The following ANKRD11 variants were observed in gnomAD, a reference collection of about 807,000 sequenced individuals.
ANKRD11 encodes ankyrin repeat domain 11.
ANKRD11 carries 17 observed loss-of-function variants against 195.7 expected under a neutral mutation model. The observed-to-expected ratio is 0.09, with a 90% CI of 0.06 to 0.13. The LOEUF is 0.13. Ranked by LOEUF, ANKRD11 falls within the 10% of genes least tolerant of loss-of-function variation. The probability of loss-of-function intolerance (pLI) is 1.00; values close to 1 mark genes in which losing one functional copy is unlikely to be tolerated. For missense variants in ANKRD11, 3,735 were observed against 3,566.1 expected (o/e 1.05, Z -1.21); for synonymous variants, 1,953 against 1,528.1 (o/e 1.28, Z -6.49).
chr16:89,472,985 T>A (rs1015605182), intron 1 of ANKRD11, among the ~76,000 whole-genome samples: 1 of 151,836 alleles, frequency 6.6e-6, no homozygotes, highest in Non-Finnish European at 1.5e-5. Context: ...AGCCCAGAAG[T>A]TGGGAGACCA....
chr16:89,432,990 C>CTCT (rs1555577285), intron 1 of ANKRD11, among the ~76,000 whole-genome samples: 1 of 128,932 alleles, frequency 7.8e-6, no homozygotes, highest in African/African-American at 3.5e-5. Context: ...CTCTCTCTCT[C>CTCT]CTCTCTCTCA....
At chr16:89,386,527 T>C (rs1321201372) in intron 2 of ANKRD11, among the ~76,000 whole-genome samples, 1 of 152,196 alleles carries the variant, frequency 6.6e-6, no homozygotes, top group African/African-American at 2.4e-5. Flanking sequence ...AAGGGGGCTC[T>C]TCTCTGGAAG....
intron 1 of ANKRD11, among the ~76,000 whole-genome samples, chr16:89,485,551 C>G (rs2057584844): frequency 6.6e-6 from 1 of 152,144 alleles, no homozygotes; most frequent in African/African-American, 2.4e-5. Flanking sequence ...TTTTCAACCA[C>G]AATCAACCAG....
chr16:89,327,189 A>G (rs1456491722), intron 2 of ANKRD11, among the ~76,000 whole-genome samples: 2 of 152,208 alleles, frequency 1.3e-5, no homozygotes, highest in Admixed American at 6.5e-5. Flanking sequence ...AGTCAACGTC[A>G]CCCAGCATGC....
At position 89,282,629 on chromosome 16, in the gene ANKRD11, A is replaced by G. The variant is rs1383965663; in HGVS notation, c.3913T>C (p.Ser1305Pro). 6.2e-7 allele frequency: 1 copy of G among 1,613,946 alleles called. No individual in the cohort carries two copies. Residue 1305 changes from serine (S) to proline (P), a missense_variant, in exon 9 of 13, where the codon TCT (serine) becomes CCT (proline). Physicochemically the swap from Ser to Pro is moderately conservative, Grantham distance 74. Coordinates refer to ENST00000301030, the MANE Select transcript of ANKRD11 (RefSeq NM_013275.6). ...TGCCCTCGGTCCGTGAAGCTGTCAGAGGAGACCTCGCTGATTTTATCGTTG... is the reference window on the plus strand; with the variant it reads ...TGCCCTCGGTCCGTGAAGCTGTCAGGGGAGACCTCGCTGATTTTATCGTTG... ...DSNDKISEVS[S>P]DSFTDRGQEP...
chr16:89,286,891 T>A lies in ANKRD11; in HGVS notation c.745-705A>T, dbSNP rs1362452517. 4.7e-6 allele frequency: 6 copies of A among 1,289,032 alleles called. 1 individual carries two copies. The Admixed American group carries it at 1.4e-4, about 30-fold the overall frequency. 79.8% of individuals were successfully genotyped at this position (1,289,032 alleles called of 1,614,324 possible). A position where few individuals can be genotyped will look rare whatever the true frequency, so the allele number is the denominator to read the frequency against. On this transcript the variant is annotated intron_variant, in intron 7 of 12. Coordinates refer to ENST00000301030, the MANE Select transcript of ANKRD11 (RefSeq NM_013275.6). ...TCCCAACTTTAGTCCAGTCTGAGAT[T>A]AGCGCATTCAAAGAATCTGTCATAA...
chr16:89,479,659 A>T (rs551853360), intron 1 of ANKRD11, among the ~76,000 whole-genome samples: 13 of 142,130 alleles, frequency 9.1e-5, no homozygotes, highest in African/African-American at 2.9e-4. Flanking sequence ...TTAAATTTTA[A>T]AAAGGCCAGA....
At chr16:89,286,645 G>A (rs1336729100) in intron 7 of ANKRD11, 4 of 1,220,616 alleles carry the variant, frequency 3.3e-6, no homozygotes, top group Non-Finnish European at 4.2e-6. Context: ...ACAGAATAGA[G>A]GAAACAAAGA....
Position 89,279,733 on chromosome 16 carries a change from G to A in ANKRD11, c.6809C>T (p.Ala2270Val), listed in dbSNP as rs1045721935. The change falls in exon 9 of 13, where the codon GCC (alanine) becomes GTC (valine). Residue 2270 changes from alanine (A) to valine (V), a missense_variant. Coordinates refer to ENST00000301030, the MANE Select transcript of ANKRD11 (RefSeq NM_013275.6). The surrounding 1 kb of genome is among the most constrained non-coding windows in gnomAD (Gnocchi z 5.6). Reference protein sequence around the residue: ...AEGPPAASLCAPDGPAPNTVA... With the variant: ...AEGPPAASLCVPDGPAPNTVA... ...AGTGTTCGGGGCGGGGCCGTCAGGG[G>A]CACAGAGGGACGCGGCGGGGGGGCC... is the stretch of plus-strand genomic sequence containing the variant. 1.9e-6 allele frequency: 3 copies of A among 1,539,528 alleles called. No individual in the cohort carries two copies. Among genetic ancestry groups the A allele is most frequent in the Non-Finnish European group, 2.6e-6 (3 of 1,148,020 alleles).
chr16:89,402,639 G>C (rs374312334), intron 2 of ANKRD11, among the ~76,000 whole-genome samples: 21 of 150,934 alleles, frequency 1.4e-4, no homozygotes, highest in African/African-American at 4.9e-4. Context: ...CTGTGGGTGG[G>C]GGGGGCAGCA....
intron 1 of ANKRD11, among the ~76,000 whole-genome samples, chr16:89,485,310 C>A (rs2152379997): frequency 6.7e-6 from 1 of 150,106 alleles, no homozygotes; most frequent in Admixed American, 6.7e-5. Context: ...ATGGGGAAAC[C>A]CCATCTCTAC....
At chr16:89,357,555 A>G (rs1256473057) in intron 2 of ANKRD11, among the ~76,000 whole-genome samples, 2 of 152,202 alleles carry the variant, frequency 1.3e-5, no homozygotes, top group Non-Finnish European at 2.9e-5. Context: ...GGGCCCCCAA[A>G]AGACAGTTGT....
rs564845924 is a variant in ANKRD11 at position 89,391,009 on chromosome 16, ACG to A, written c.-60+27273_-60+27274del. 7.9e-5 allele frequency among the ~76,000 whole-genome samples: 12 copies of A among 152,248 alleles called. No individual in the cohort carries two copies. In the East Asian group the frequency reaches 2.3e-3, roughly 29 times the overall value. On this transcript the variant is annotated intron_variant, in intron 2 of 12. Transcript: ENST00000301030. ...TTTGGGAGGCCGAGGTGGGTGGATC[ACG>A]AGGTCAGGAGATCGAGACCATCCTG...
intron 2 of ANKRD11, among the ~76,000 whole-genome samples, chr16:89,356,527 T>C (rs1380762057): frequency 6.6e-6 from 1 of 151,592 alleles, no homozygotes; most frequent in East Asian, 1.9e-4. Flanking sequence ...ATCCCAGCTC[T>C]TTGGGAGGCC....
chr16:89,485,742 ACCTCCATTTCGTTGTCTTTC>A (rs2057591213), intron 1 of ANKRD11, among the ~76,000 whole-genome samples: 1 of 152,010 alleles, frequency 6.6e-6, no homozygotes, highest in Non-Finnish European at 1.5e-5. Context: ...AATAGGGCAC[ACCTCCATTTCGTTGTCTTTC>A]CCTCCAAAGA....
Position 89,279,059 on chromosome 16 carries a change from G to A in ANKRD11, c.7470+13C>T, listed in dbSNP as rs2033926878. On this transcript the variant is annotated intron_variant, in intron 9 of 12. Coordinates refer to ENST00000301030, the MANE Select transcript of ANKRD11 (RefSeq NM_013275.6). This position sits in a 1 kb window ranked among gnomAD's most constrained non-coding sequence, Gnocchi z 5.6. The stretch of plus-strand genomic sequence containing the variant: ...AGAGAGAAGGCAGTGGCTCTCCCGG[G>A]CCCCGCACTCACCACGGGGATGTGG... The A allele has an allele frequency of 1.2e-6, 2 of 1,613,648 alleles. No individual in the cohort carries two copies. The highest frequency in any genetic ancestry group is 1.7e-6 in the Non-Finnish European group (2 of 1,179,804).
chr16:89,306,401 C>T (rs560971857), intron 3 of ANKRD11, among the ~76,000 whole-genome samples: 8 of 71,076 alleles, frequency 1.1e-4, no homozygotes, highest in Admixed American at 6.4e-4. Context: ...TCCGCAGACA[C>T]GCGCCACCTA....
Position 89,434,224 on chromosome 16 carries a change from G to A in ANKRD11, c.-144-15856C>T, listed in dbSNP as rs998474086. 7.9e-5 allele frequency among the ~76,000 whole-genome samples: 12 copies of A among 152,194 alleles called. No individual in the cohort carries two copies. The East Asian group carries it at 2.3e-3, about 29-fold the overall frequency. ...CACACTCACCTCCTCAAGACACTAT[G>A]GATTCTGTGTGTCTGGGGGTGAACT... is the stretch of plus-strand genomic sequence containing the variant. On this transcript the variant is annotated intron_variant, in intron 1 of 12. Transcript: ENST00000301030.
intron 2 of ANKRD11, among the ~76,000 whole-genome samples, chr16:89,377,958 G>A (rs1022467313): frequency 6.6e-6 from 1 of 151,682 alleles, no homozygotes. Context: ...TCCACTTAAT[G>A]AGAAGTAAAC....
Sources: allele counts gnomAD v4.1 joint callset (sites outside exome capture counted in the v4.1 genomes callset), GRCh38; gene constraint gnomAD v4.1.1; non-coding constraint Gnocchi (gnomAD v3.1); transcripts MANE v1.5; gene names NCBI Gene and HGNC (gene_info 2026-07-23, HGNC 2026-07-21).